The following PRKG1 variants were observed in gnomAD, a reference collection of about 807,000 sequenced individuals.
PRKG1 encodes the protein protein kinase cGMP-dependent 1, also known as cGMP-dependent protein kinase 1.
A neutral mutation model predicts 88.1 loss-of-function variants in PRKG1; 35 were observed. The observed-to-expected ratio is 0.40, with a 90% CI of 0.30 to 0.53. The LOEUF is 0.53. Among genes scored for constraint, PRKG1 ranks in the 20% least tolerant of loss-of-function variants. The pLI is 0.59. For synonymous variants in PRKG1, 303 were observed against 292.5 expected (o/e 1.04, Z -0.37); for missense variants, 540 against 839.8 (o/e 0.64, Z 4.41).
intron 3 of PRKG1, among the ~76,000 whole-genome samples, chr10:51,794,969 C>T (rs904797581): frequency 6.6e-6 from 1 of 151,902 alleles, no homozygotes; most frequent in African/African-American, 2.4e-5. Context: ...GTTAAGCAAA[C>T]ATAACAAAGT....
At chr10:51,973,880 T>C (rs1843766618) in intron 5 of PRKG1, among the ~76,000 whole-genome samples, 1 of 152,124 alleles carries the variant, frequency 6.6e-6, no homozygotes, top group Non-Finnish European at 1.5e-5. Context: ...TGGTTTTGTA[T>C]GGCCCAGGAG....
At chr10:51,213,666 T>G (rs555213308) in intron 2 of PRKG1, among the ~76,000 whole-genome samples, 1 of 152,340 alleles carries the variant, frequency 6.6e-6, no homozygotes, top group East Asian at 1.9e-4. Context: ...GCAATATTAC[T>G]TTAAAATATT....
chr10:52,036,194 A>G (rs372887843), intron 5 of PRKG1, among the ~76,000 whole-genome samples: 3,144 of 151,988 alleles, frequency 0.021, 50 homozygotes, highest in Middle Eastern at 0.092. Context: ...AGTCCAAGTG[A>G]AAGTGAAGAG....
intron 3 of PRKG1, among the ~76,000 whole-genome samples, chr10:51,538,075 G>A (rs897303629): frequency 6.6e-6 from 1 of 152,110 alleles, no homozygotes; most frequent in Non-Finnish European, 1.5e-5. Flanking sequence ...GTCAAAGCTA[G>A]GACTGAAATT....
At chr10:51,128,710 G>A (rs1283207060) in intron 1 of PRKG1, among the ~76,000 whole-genome samples, 3 of 152,046 alleles carry the variant, frequency 2.0e-5, no homozygotes, top group Non-Finnish European at 4.4e-5. Context: ...ATTGCCATAG[G>A]AATACATTAT....
intron 1 of PRKG1, among the ~76,000 whole-genome samples, chr10:51,039,624 G>C (rs766452690): frequency 4.6e-5 from 7 of 151,218 alleles, no homozygotes; most frequent in Non-Finnish European, 5.9e-5. Flanking sequence ...GTCCATTTTT[G>C]CTTTGGCTGC....
intron 1 of PRKG1, among the ~76,000 whole-genome samples, chr10:51,035,874 CTTTATTTATTTA>C (rs369483340): frequency 6.6e-6 from 1 of 151,792 alleles, no homozygotes; most frequent in African/African-American, 2.4e-5. Context: ...GAGTACATAC[CTTTATTTATTTA>C]TTTATTTATT....
chr10:51,228,792 T>C (rs1227307833), intron 2 of PRKG1, among the ~76,000 whole-genome samples: 3 of 152,230 alleles, frequency 2.0e-5, no homozygotes, highest in African/African-American at 7.2e-5. Context: ...CCTGTTAACC[T>C]TTCAATGCCT....
chr10:51,227,034 A>G (rs1564646291), intron 2 of PRKG1, among the ~76,000 whole-genome samples: 1 of 151,942 alleles, frequency 6.6e-6, no homozygotes, highest in Non-Finnish European at 1.5e-5. Context: ...ATAAGTAGAT[A>G]ATATGTCTCC....
At chr10:51,270,185 G>C (rs1012846403) in intron 2 of PRKG1, among the ~76,000 whole-genome samples, 3 of 152,124 alleles carry the variant, frequency 2.0e-5, no homozygotes, top group Admixed American at 6.5e-5. Flanking sequence ...ATTACATCTA[G>C]ATTTGTAAAA....
At chr10:51,794,312 A>T (rs780228240) in intron 3 of PRKG1, among the ~76,000 whole-genome samples, 6 of 152,140 alleles carry the variant, frequency 3.9e-5, no homozygotes, top group Non-Finnish European at 8.8e-5. Flanking sequence ...ACAGACAGAA[A>T]ATCAATAAAG....
intron 7 of PRKG1, among the ~76,000 whole-genome samples, chr10:52,119,707 T>C (rs1027373787): frequency 1.8e-4 from 27 of 152,216 alleles, no homozygotes; most frequent in African/African-American, 6.3e-4. Flanking sequence ...ACCTGTCTTG[T>C]CCTGTCTTGA....
chr10:52,160,227 G>T (rs1838242854), intron 8 of PRKG1, among the ~76,000 whole-genome samples: 1 of 151,760 alleles, frequency 6.6e-6, no homozygotes, highest in Non-Finnish European at 1.5e-5. Context: ...GACATTCTAT[G>T]GGAAAGTGGG....
At chr10:52,241,028 TTTTTCACACAACCCATATTCTAATATGA>T (rs1840845813) in intron 9 of PRKG1, among the ~76,000 whole-genome samples, 1 of 152,154 alleles carries the variant, frequency 6.6e-6, no homozygotes, top group African/African-American at 2.4e-5. Flanking sequence ...ATCGAGTCTG[TTTTTCACACAACCCATATTCTAATATGA>T]ATCTTGGGAA....
Position 52,184,491 on chromosome 10 carries a change from T to C in PRKG1, c.1076+22528T>C, listed in dbSNP as rs1012025995. ...TTCTAAATTAATCTATTCATAGGCT[T>C]GTTTTATAAGCCTAGGCCTTTTACT... On this transcript the variant is annotated intron_variant, in intron 9 of 17. Transcript: ENST00000373980. Among the ~76,000 whole-genome samples the C allele has an allele frequency of 3.9e-5, 6 of 152,344 alleles. No homozygotes were observed. The South Asian group carries it at 8.3e-4, about 21-fold the overall frequency.
At chr10:51,641,458 AAG>A (rs1480159755) in intron 3 of PRKG1, among the ~76,000 whole-genome samples, 2 of 152,122 alleles carry the variant, frequency 1.3e-5, no homozygotes, top group Non-Finnish European at 2.9e-5. Context: ...TGTCTTCTCC[AAG>A]AGAGAGAATA....
At chr10:51,783,566 G>A (rs1358453788) in intron 3 of PRKG1, among the ~76,000 whole-genome samples, 1 of 152,076 alleles carries the variant, frequency 6.6e-6, no homozygotes, top group Non-Finnish European at 1.5e-5. Context: ...AAAAGTGTGA[G>A]CCACTGCACG....
intron 2 of PRKG1, among the ~76,000 whole-genome samples, chr10:51,456,509 A>G (rs1305818415): frequency 1.3e-5 from 2 of 152,200 alleles, no homozygotes; most frequent in Non-Finnish European, 2.9e-5. Context: ...CATAGGAAAA[A>G]AAAACACTTT....
chr10:52,113,862 A>G (rs1256743120), intron 7 of PRKG1, among the ~76,000 whole-genome samples: 2 of 152,298 alleles, frequency 1.3e-5, no homozygotes, highest in East Asian at 3.9e-4. Context: ...AATTGTATCT[A>G]TTGAGCACTG....
Sources: allele counts gnomAD v4.1 joint callset (sites outside exome capture counted in the v4.1 genomes callset), GRCh38; gene constraint gnomAD v4.1.1; transcripts MANE v1.5; gene names NCBI Gene and HGNC (gene_info 2026-07-23, HGNC 2026-07-21).